Variants in OSBP2 observed in about 807,000 individuals in gnomAD.
OSBP2 encodes oxysterol binding protein 2.
A neutral mutation model predicts 96.0 loss-of-function variants in OSBP2; 66 were observed. The observed-to-expected ratio is 0.69, with a 90% CI of 0.56 to 0.84. The LOEUF (loss-of-function observed/expected upper bound fraction) is 0.84. Among genes scored for constraint, OSBP2 ranks in the 40% least tolerant of loss-of-function variants. The probability of loss-of-function intolerance (pLI) is 0.00; values close to 1 mark genes in which losing one functional copy is unlikely to be tolerated. For missense variants in OSBP2, 1,038 were observed against 1,222.7 expected, an observed-to-expected ratio of 0.85 and a Z score of 2.25; for synonymous variants, 525 against 520.9, an observed-to-expected ratio of 1.01 and a Z score of -0.11.
At chr22:30,766,945 G>A (rs2090278579) in intron 2 of OSBP2, among the ~76,000 whole-genome samples, 1 of 152,066 alleles carries the variant, frequency 6.6e-6, no homozygotes, top group East Asian at 1.9e-4. Context: ...ACTCTTTGCA[G>A]CTTTAGCAGC....
chr22:30,830,598 C>T (rs2038500836), intron 2 of OSBP2, among the ~76,000 whole-genome samples: 1 of 152,258 alleles, frequency 6.6e-6, no homozygotes. Context: ...CATTTGGTAA[C>T]TGCTCATCTG....
chr22:30,733,939 C>T (rs2089816052), intron 1 of OSBP2, among the ~76,000 whole-genome samples: 5 of 152,080 alleles, frequency 3.3e-5, no homozygotes. Context: ...CAAAGTAATG[C>T]CTCAAAACAT....
chr22:30,899,412 A>G (rs563613892), intron 12 of OSBP2, among the ~76,000 whole-genome samples: 1 of 151,894 alleles, frequency 6.6e-6, no homozygotes, highest in Non-Finnish European at 1.5e-5. Flanking sequence ...CAAAAAAAAA[A>G]AAAAAAGAAA....
chr22:30,894,143 C>A, intron 12 of OSBP2, 142 bp downstream of exon 12: 1 of 655,648 alleles, frequency 1.5e-6, no homozygotes. Context: ...GCCGACATCC[C>A]AGTGTGAAGG....
intron 2 of OSBP2, among the ~76,000 whole-genome samples, chr22:30,812,860 CTG>C (rs1441344139): frequency 2.0e-5 from 3 of 152,190 alleles, no homozygotes; most frequent in African/African-American, 7.2e-5. Context: ...CTCACTGAGA[CTG>C]TGTCTACTCT....
chr22:30,889,556 A>G lies in OSBP2; in HGVS notation c.1543A>G (p.Asn515Asp). Residue 515 changes from asparagine to aspartate, a missense_variant, in exon 7 of 14, where the codon AAC (asparagine) becomes GAC (aspartate). Asn to Asp is a conservative substitution (Grantham distance 23). This residue lies in a region of OSBP2 where 737 missense variants were observed against 913.3 expected (regional missense o/e 0.81). Transcript: ENST00000332585. ...SKVKRRVRIP[N>D]KPNYSLNLWS... ...AGTCAAGAGGCGAGTCCGCATTCCC[A>G]ACAAGCCCAACTACAGCCTTAACCT... 1 of 1,614,104 alleles carries G rather than the reference A, an allele frequency of 6.2e-7. No individual in the cohort carries two copies. Among genetic ancestry groups the G allele is most frequent in the African/African-American group, 1.3e-5 (1 of 75,038 alleles).
intron 12 of OSBP2, among the ~76,000 whole-genome samples, chr22:30,899,461 C>A (rs1241099669): frequency 6.6e-6 from 1 of 151,004 alleles, no homozygotes; most frequent in East Asian, 1.9e-4. Context: ...CATGAATAGT[C>A]CTATAATAAA....
At chr22:30,872,836 G>A (rs1350253645) in intron 3 of OSBP2, among the ~76,000 whole-genome samples, 1 of 152,238 alleles carries the variant, frequency 6.6e-6, no homozygotes, top group Non-Finnish European at 1.5e-5. Flanking sequence ...GTTCTGGAAA[G>A]GCTGTTTGCG....
intron 2 of OSBP2, among the ~76,000 whole-genome samples, chr22:30,757,279 C>T (rs1039329203): frequency 3.3e-5 from 5 of 152,154 alleles, no homozygotes; most frequent in African/African-American, 4.8e-5. Flanking sequence ...TGCCATTACA[C>T]GCTCCCTGCG....
At chr22:30,834,227 A>G (rs2038587376) in intron 2 of OSBP2, among the ~76,000 whole-genome samples, 3 of 152,134 alleles carry the variant, frequency 2.0e-5, no homozygotes, top group Admixed American at 2.0e-4. Context: ...AATATAGAAC[A>G]TCCACTCATC....
At chr22:30,729,816 A>G (rs1003675562) in intron 1 of OSBP2, among the ~76,000 whole-genome samples, 1 of 152,042 alleles carries the variant, frequency 6.6e-6, no homozygotes. Flanking sequence ...CCAGCCTGGC[A>G]CACATAGTGA....
intron 1 of OSBP2, among the ~76,000 whole-genome samples, chr22:30,739,666 AGGGGTTC>A (rs2089909195): frequency 1.3e-5 from 2 of 151,844 alleles, no homozygotes; most frequent in East Asian, 3.9e-4. Context: ...TAAACGCCCA[AGGGGTTC>A]ACCTTGCCTG....
intron 1 of OSBP2, among the ~76,000 whole-genome samples, chr22:30,734,953 A>G (rs136359): frequency 0.1 from 15,849 of 152,214 alleles, 922 homozygotes; most frequent in Middle Eastern, 0.15. Flanking sequence ...CACTTTGGAA[A>G]GCCAAGGTGG....
intron 2 of OSBP2, among the ~76,000 whole-genome samples, chr22:30,777,182 G>A (rs1038174297): frequency 5.9e-5 from 9 of 152,158 alleles, no homozygotes; most frequent in African/African-American, 1.4e-4. Context: ...GGGAAGGCTC[G>A]ATTGGTTTTG....
At chr22:30,822,778 C>T (rs2038307514) in intron 2 of OSBP2, 1 of 1,365,090 alleles carries the variant, frequency 7.3e-7, no homozygotes, top group Non-Finnish European at 9.9e-7. Flanking sequence ...CGGTGCCTGG[C>T]TTTGCTGCGT....
In OSBP2 at chr22:30,890,957, G is replaced by A. The variant is rs1354692147; in HGVS notation, c.1853G>A (p.Arg618His). 7 of 1,608,478 alleles carry A rather than the reference G, an allele frequency of 4.4e-6. No individual in the cohort carries two copies. The highest frequency in any genetic ancestry group is 2.2e-5 in the South Asian group (2 of 91,076). Residue 618 changes from arginine (R) to histidine (H), a missense_variant, in exon 8 of 14, where the codon CGC (arginine) becomes CAC (histidine). Around this residue, in one of 3 missense-constraint regions of OSBP2, gnomAD observed 737 missense variants for 913.3 expected, o/e 0.81. Transcript: ENST00000332585. This position sits in a 1 kb window ranked among gnomAD's most constrained non-coding sequence, Gnocchi z 4.4. ...ELDRLDDMGLRSLCEQVSHHP... is the reference protein window; with the variant it reads ...ELDRLDDMGLHSLCEQVSHHP... ...GACCGCCTCGACGACATGGGCCTGC[G>A]CTCCCTCTGTGAGCAGGTGAGGGGG...
At chr22:30,728,777 G>C (rs2089696149) in intron 1 of OSBP2, among the ~76,000 whole-genome samples, 1 of 152,174 alleles carries the variant, frequency 6.6e-6, no homozygotes. Context: ...GATTATAGGT[G>C]TGAGCCACTG....
chr22:30,787,469 TC>T (rs1021075584), intron 2 of OSBP2, among the ~76,000 whole-genome samples: 3 of 151,942 alleles, frequency 2.0e-5, no homozygotes, highest in Admixed American at 2.0e-4. Flanking sequence ...GGTCAGGAGT[TC>T]CAGACCAGCA....
At chr22:30,703,929 T>C (rs1352722121) in intron 1 of OSBP2, among the ~76,000 whole-genome samples, 1 of 152,196 alleles carries the variant, frequency 6.6e-6, no homozygotes, top group East Asian at 1.9e-4. Flanking sequence ...ATTCTGCAAG[T>C]GTCAGAGTGA....
Sources: gnomAD v4.1 joint callset for allele counts (sites outside exome capture counted in the v4.1 genomes callset) on GRCh38, gnomAD v4.1.1 for gene constraint, gnomAD v4.1.1 regional missense constraint, Gnocchi (gnomAD v3.1) non-coding constraint, MANE v1.5 for transcripts, NCBI Gene and HGNC (gene_info 2026-07-23, HGNC 2026-07-21) for gene names.